SGIP1: variants seen among roughly 807,000 people sequenced by gnomAD.
The protein encoded by SGIP1 is SH3-containing GRB2-like protein 3-interacting protein 1.
A neutral mutation model predicts 107.5 loss-of-function variants in SGIP1; 38 were observed. That is an observed-to-expected ratio of 0.35 (90% CI 0.27 to 0.46). The LOEUF is 0.46. Ranked by LOEUF, SGIP1 falls within the 20% of genes least tolerant of loss-of-function variation. The pLI, the probability that SGIP1 is intolerant of heterozygous loss-of-function variation, is 1.00. For missense variants in SGIP1, 929 were observed against 1,019.5 expected (o/e 0.91, Z 1.21); for synonymous variants, 365 against 366.1 (o/e 1.00, Z 0.03).
At chr1:66,713,014 A>G (rs2093016488) in intron 18 of SGIP1, among the ~76,000 whole-genome samples, 1 of 152,148 alleles carries the variant, frequency 6.6e-6, no homozygotes, top group African/African-American at 2.4e-5. Flanking sequence ...CAAACACGTT[A>G]TCAGGTTCCT....
Position 66,731,891 on chromosome 1 carries a change from GA to G in SGIP1, c.1899-1851del, listed in dbSNP as rs750288724. Reference sequence around the variant, plus strand: ...AAATTTACATCTACTTTTTTCTTGTGAAAAAAGTTTGCTTGTAAAAAATATG... The same window carrying G: ...AAATTTACATCTACTTTTTTCTTGTGAAAAAGTTTGCTTGTAAAAAATATG... On this transcript the variant is annotated intron_variant, in intron 20 of 24. Coordinates refer to ENST00000371037, the MANE Select transcript of SGIP1 (RefSeq NM_032291.4). 4.6e-5 allele frequency among the ~76,000 whole-genome samples: 7 copies of G among 152,032 alleles called. No homozygotes were observed. In the East Asian group the frequency reaches 9.6e-4, roughly 21 times the overall value.
chr1:66,731,618 AC>A (rs2094011660), intron 20 of SGIP1, among the ~76,000 whole-genome samples: 2 of 152,032 alleles, frequency 1.3e-5, no homozygotes, highest in African/African-American at 4.8e-5. Context: ...GTGATGAGTG[AC>A]CCTTTAGTCA....
At chr1:66,630,889 A>G (rs1205774111) in intron 2 of SGIP1, among the ~76,000 whole-genome samples, 2 of 64,642 alleles carry the variant, frequency 3.1e-5, no homozygotes, top group African/African-American at 1.4e-4. Context: ...GAAAGAAAGA[A>G]AGAAAGAAAG....
At position 66,660,520 on chromosome 1, in the gene SGIP1, G is replaced by A. The variant is rs1396697463; in HGVS notation, c.467G>A (p.Ser156Asn). 1.2e-6 allele frequency: 2 copies of A among 1,610,816 alleles called. No individual in the cohort carries two copies. The highest frequency in any genetic ancestry group is 1.7e-6 in the Non-Finnish European group (2 of 1,177,130). ...CCATGCCTACGCTTTTAGAGGAAAAGTCCGGTAAGAAATAAGTCCTTCCCG... is the reference window on the plus strand; with the variant it reads ...CCATGCCTACGCTTTTAGAGGAAAAATCCGGTAAGAAATAAGTCCTTCCCG... ...IALSPSPVRKSPRRSPGAIKR... is the reference protein window; with the variant it reads ...IALSPSPVRKNPRRSPGAIKR... The change falls in exon 8 of 25, where the codon AGT becomes AAT. Residue 156 changes from serine (S) to asparagine (N), a missense_variant. By Grantham distance (46) the Ser-to-Asn change is conservative. Transcript: ENST00000371037.
intron 17 of SGIP1, among the ~76,000 whole-genome samples, chr1:66,694,210 C>A (rs574892346): frequency 1.9e-5 from 1 of 51,410 alleles, no homozygotes; most frequent in South Asian, 1.2e-3. Flanking sequence ...AGATGCTAAA[C>A]CCTGGCTTTT....
chr1:66,676,956 G>A, intron 12 of SGIP1, 48 bp from the exon 13 acceptor site: 1 of 1,474,734 alleles, frequency 6.8e-7, no homozygotes, highest in Non-Finnish European at 9.3e-7. Flanking sequence ...TCTAAAGTAT[G>A]GGGATTTTTT....
At chr1:66,545,939 T>G (rs1479015215) in intron 1 of SGIP1, among the ~76,000 whole-genome samples, 1 of 152,158 alleles carries the variant, frequency 6.6e-6, no homozygotes, top group Non-Finnish European at 1.5e-5. Context: ...CATATTTTAC[T>G]CACTTTAGGA....
intron 1 of SGIP1, among the ~76,000 whole-genome samples, chr1:66,597,072 T>C (rs1310598798): frequency 1.3e-5 from 2 of 152,230 alleles, no homozygotes; most frequent in African/African-American, 4.8e-5. Flanking sequence ...TTTTAGTACA[T>C]GTGCAGGTTT....
At chr1:66,581,634 A>G (rs1246267346) in intron 1 of SGIP1, among the ~76,000 whole-genome samples, 1 of 152,062 alleles carries the variant, frequency 6.6e-6, no homozygotes, top group Non-Finnish European at 1.5e-5. Context: ...TCTTAAGTTT[A>G]AAATGCTTTG....
At chr1:66,584,817 A>G (rs922913895) in intron 1 of SGIP1, among the ~76,000 whole-genome samples, 3 of 152,192 alleles carry the variant, frequency 2.0e-5, no homozygotes, top group Non-Finnish European at 4.4e-5. Context: ...AGCAAATATG[A>G]TAGATGAACA....
At chr1:66,661,655 A>G (rs1401963075) in intron 8 of SGIP1, among the ~76,000 whole-genome samples, 1 of 152,174 alleles carries the variant, frequency 6.6e-6, no homozygotes, top group Non-Finnish European at 1.5e-5. Flanking sequence ...GCAAAATATT[A>G]CTGGTGCTCT....
intron 18 of SGIP1, among the ~76,000 whole-genome samples, chr1:66,712,869 A>C (rs950066229): frequency 1.3e-5 from 2 of 151,962 alleles, no homozygotes. Context: ...CACACTGGTG[A>C]CTCTCTGTGC....
intron 1 of SGIP1, among the ~76,000 whole-genome samples, chr1:66,549,223 C>T (rs916659050): frequency 1.3e-5 from 2 of 151,280 alleles, no homozygotes; most frequent in Admixed American, 6.6e-5. Flanking sequence ...TCCTTGCTTC[C>T]TCTCTTTCTT....
Position 66,745,596 on chromosome 1 carries a change from T to A in SGIP1, c.*2501T>A, listed in dbSNP as rs1243936767. ...AGTTATCAAAGACATTAAGTCAGAT[T>A]CATTTATTCATTTTATTCCCAAGTC... On this transcript the variant is annotated 3_prime_UTR_variant, in exon 25 of 25. Transcript: ENST00000371037. 6.6e-6 allele frequency: 1 copy of A among 152,114 alleles called. No homozygotes were observed. The highest frequency in any genetic ancestry group is 6.5e-5 in the Admixed American group (1 of 15,286). The allele number at this position is 152,114 out of a possible 1,614,324, so 9.4% of individuals were successfully genotyped here. A position where few individuals can be genotyped will look rare whatever the true frequency, so the allele number is the denominator to read the frequency against.
At chr1:66,588,267 G>C (rs1247101690) in intron 1 of SGIP1, among the ~76,000 whole-genome samples, 1 of 151,116 alleles carries the variant, frequency 6.6e-6, no homozygotes, top group Non-Finnish European at 1.5e-5. Flanking sequence ...GAAAACATCA[G>C]AGTATTAAGG....
At chr1:66,698,670 G>A (rs190641400) in intron 18 of SGIP1, among the ~76,000 whole-genome samples, 11 of 152,120 alleles carry the variant, frequency 7.2e-5, no homozygotes, top group African/African-American at 1.2e-4. Flanking sequence ...GAGCCACGGC[G>A]CCCGGCCCAA....
intron 14 of SGIP1, among the ~76,000 whole-genome samples, chr1:66,680,244 C>T (rs1055344174): frequency 6.6e-6 from 1 of 152,188 alleles, no homozygotes; most frequent in Non-Finnish European, 1.5e-5. Context: ...TTTATTATCT[C>T]ATGGCAAGGA....
At chr1:66,676,440 C>T (rs1164722532) in intron 12 of SGIP1, among the ~76,000 whole-genome samples, 2 of 152,214 alleles carry the variant, frequency 1.3e-5, no homozygotes, top group Non-Finnish European at 2.9e-5. Flanking sequence ...GCCCTATGTT[C>T]GGTGCCTAAG....
At chr1:66,613,887 A>T (rs2068595976) in intron 1 of SGIP1, among the ~76,000 whole-genome samples, 1 of 152,230 alleles carries the variant, frequency 6.6e-6, no homozygotes, top group Non-Finnish European at 1.5e-5. Flanking sequence ...CTGGCACATG[A>T]TAGATGCTCA....
Sources: gnomAD v4.1 joint callset for allele counts (sites outside exome capture counted in the v4.1 genomes callset) on GRCh38, gnomAD v4.1.1 for gene constraint, MANE v1.5 for transcripts, NCBI Gene and HGNC (gene_info 2026-07-23, HGNC 2026-07-21) for gene names.